The following SPAG6 variants were observed in gnomAD, a reference collection of about 807,000 sequenced individuals.
SPAG6 encodes the protein sperm associated antigen 6, also known as sperm-associated antigen 6.
In SPAG6, 49 loss-of-function variants were observed where a neutral mutation model predicts 58.5. The ratio of observed to expected loss-of-function variants is 0.84; its 90% confidence interval spans 0.67 to 1.06. The LOEUF (loss-of-function observed/expected upper bound fraction) is 1.06. Ranked by LOEUF, SPAG6 falls within the 50% of genes least tolerant of loss-of-function variation. The probability of loss-of-function intolerance (pLI) is 0.00; values close to 1 mark genes in which losing one functional copy is unlikely to be tolerated. For missense variants in SPAG6, 560 were observed against 611.3 expected, an observed-to-expected ratio of 0.92 and a Z score of 0.89; for synonymous variants, 233 against 225.6, an observed-to-expected ratio of 1.03 and a Z score of -0.29.
Position 22,376,423 on chromosome 10 carries a change from T to G in SPAG6, c.472+7745T>G, listed in dbSNP as rs575098999. 2.5e-3 allele frequency among the ~76,000 whole-genome samples: 374 copies of G among 152,340 alleles called. 1 individual carries two copies. The highest frequency in any genetic ancestry group is 8.8e-3 in the African/African-American group (364 of 41,568). On this transcript the variant is annotated intron_variant, in intron 4 of 10. Transcript: ENST00000376624. ...CTTTTTACTTTTAAAGTGTGGCTAA[T>G]TTCGAGTTTTAAATTACATTATGTA...
chr10:22,410,683 G>T (rs1001705989), intron 9 of SPAG6, among the ~76,000 whole-genome samples: 1 of 152,278 alleles, frequency 6.6e-6, no homozygotes, highest in South Asian at 2.1e-4. Flanking sequence ...AGGTATTTAG[G>T]AGCTGGGTCC....
intron 5 of SPAG6, 95 bp downstream of exon 5, chr10:22,387,054 T>A (rs1286010262): frequency 2.2e-6 from 2 of 901,874 alleles, no homozygotes; most frequent in African/African-American, 3.4e-5. Context: ...TAAAAATAAT[T>A]AGCAAATTAT....
chr10:22,398,021 CAAGAT>C (rs1834334877), intron 8 of SPAG6, among the ~76,000 whole-genome samples: 1 of 152,140 alleles, frequency 6.6e-6, no homozygotes, highest in African/African-American at 2.4e-5. Flanking sequence ...CTATAGTAAT[CAAGAT>C]AATGTGGTAC....
At chr10:22,391,673 G>T (rs1043767440) in intron 7 of SPAG6, 56 bp from the exon 8 acceptor site, 1 of 1,486,910 alleles carries the variant, frequency 6.7e-7, no homozygotes, top group African/African-American at 1.4e-5. Flanking sequence ...AGACATGGAA[G>T]ACTCTTTAAT....
At chr10:22,389,898 G>A (rs1486712636) in intron 7 of SPAG6, among the ~76,000 whole-genome samples, 1 of 152,120 alleles carries the variant, frequency 6.6e-6, no homozygotes, top group African/African-American at 2.4e-5. Flanking sequence ...CTCATCTAGT[G>A]CAGCCCTGGC....
At chr10:22,415,432 A>C (rs1834845361) in intron 10 of SPAG6, among the ~76,000 whole-genome samples, 1 of 152,214 alleles carries the variant, frequency 6.6e-6, no homozygotes, top group South Asian at 2.1e-4. Flanking sequence ...GAGAAGAAGC[A>C]GTTGTGAATT....
intron 2 of SPAG6, among the ~76,000 whole-genome samples, chr10:22,361,948 A>C (rs1052392694): frequency 1.3e-5 from 2 of 149,240 alleles, no homozygotes; most frequent in Non-Finnish European, 3.0e-5. Context: ...AAAAGATGAT[A>C]AACCACTGCC....
At chr10:22,368,421 GT>G in intron 3 of SPAG6, 73 bp from the exon 4 acceptor site, 1 of 1,144,842 alleles carries the variant, frequency 8.7e-7, no homozygotes, top group Non-Finnish European at 1.3e-6. Context: ...TTTTTATGTA[GT>G]TTTGGTCTAT....
At chr10:22,347,040 C>CGT (rs371547813) in intron 2 of SPAG6, among the ~76,000 whole-genome samples, 19 of 151,800 alleles carry the variant, frequency 1.3e-4, no homozygotes, top group African/African-American at 3.9e-4. Flanking sequence ...TTTAATTGTT[C>CGT]GTGTGTGTGT....
At chr10:22,346,488 TTCTTCTTC>T (rs1263878757) in intron 2 of SPAG6, among the ~76,000 whole-genome samples, 3 of 132,338 alleles carry the variant, frequency 2.3e-5, no homozygotes, top group African/African-American at 1.2e-4. Flanking sequence ...CTTCTTCTTC[TTCTTCTTC>T]TTTCTTCTTC....
intron 2 of SPAG6, among the ~76,000 whole-genome samples, chr10:22,363,010 A>G (rs922772868): frequency 3.9e-5 from 6 of 152,164 alleles, no homozygotes; most frequent in African/African-American, 1.2e-4. Flanking sequence ...AGGATGTGGA[A>G]AAATTGGAAT....
In SPAG6 at chr10:22,362,884, G is replaced by A. The variant is rs139127347; in HGVS notation, c.122-1969G>A. 2.6e-5 allele frequency among the ~76,000 whole-genome samples: 4 copies of A among 152,160 alleles called. No individual in the cohort carries two copies. The East Asian group carries it at 7.7e-4, about 29-fold the overall frequency. ...GTACAAATGGCCAATGAGCACATAAGATGCTCAACATTATTAGTGCTATGG... is the reference window on the plus strand; with the variant it reads ...GTACAAATGGCCAATGAGCACATAAAATGCTCAACATTATTAGTGCTATGG... On this transcript the variant is annotated intron_variant, in intron 2 of 10. Transcript: ENST00000376624.
chr10:22,377,117 G>T (rs544803776), intron 4 of SPAG6, among the ~76,000 whole-genome samples: 1 of 152,116 alleles, frequency 6.6e-6, no homozygotes, highest in East Asian at 1.9e-4. Context: ...TCTTTCTTGG[G>T]CCACTTGCTC....
chr10:22,398,460 C>G (rs1041241360), intron 8 of SPAG6, among the ~76,000 whole-genome samples: 1 of 152,208 alleles, frequency 6.6e-6, no homozygotes, highest in Admixed American at 6.5e-5. Flanking sequence ...GGGCACATGG[C>G]TTATGCCTAT....
Position 22,345,789 on chromosome 10 carries a change from C to A in SPAG6, c.92C>A (p.Pro31His), listed in dbSNP as rs1266781542. ...VQMVAELATR[P>H]QNIETLQNAG... ...ATGGTGGCGGAGCTGGCGACTAGAC[C>A]CCAAAACATCGAGACGCTGCAGAAC... The change falls in exon 2 of 11, where the codon CCC becomes CAC. Residue 31 changes from proline (P) to histidine (H), a missense_variant. By Grantham distance (77) the Pro-to-His change is moderately conservative. Transcript: ENST00000376624. This position sits in a 1 kb window ranked among gnomAD's most constrained non-coding sequence, Gnocchi z 6.3. 1 of 1,613,562 alleles carries A rather than the reference C, an allele frequency of 6.2e-7. No homozygotes were observed. Among genetic ancestry groups the A allele is most frequent in the African/African-American group, 1.3e-5 (1 of 74,882 alleles).
chr10:22,392,059 T>C, intron 8 of SPAG6, 139 bp downstream of exon 8: 1 of 631,128 alleles, frequency 1.6e-6, no homozygotes, highest in Non-Finnish European at 2.7e-6. Flanking sequence ...TTCACTCTTC[T>C]TTGAAAATGA....
Position 22,416,630 on chromosome 10 carries a change from C to G in SPAG6, c.1472C>G (p.Pro491Arg). The stretch of plus-strand genomic sequence containing the variant: ...ATTTTCTTTTTCAGGTATTATTCCC[C>G]TGGATATTCAGATACACTTCTGCAG... ...YPEEIVRYYSPGYSDTLLQRV... is the reference protein window; with the variant it reads ...YPEEIVRYYSRGYSDTLLQRV... Residue 491 changes from proline to arginine, a missense_variant, in exon 11 of 11, where the codon CCT (proline) becomes CGT (arginine). Transcript: ENST00000376624. The G allele has an allele frequency of 6.2e-7, 1 of 1,604,838 alleles. No individual in the cohort carries two copies. The highest frequency in any genetic ancestry group is 8.5e-7 in the Non-Finnish European group (1 of 1,172,090).
rs1834136250 is a variant in SPAG6, at chr10:22,389,387, C to T, written c.1005+75C>T. ...AGAACCACAGATTAATGTTCTCCAA[C>T]AGAATACAAAATATAACTGACTGGA... On this transcript the variant is annotated intron_variant, in intron 7 of 10. Transcript: ENST00000376624. 5.4e-6 allele frequency: 8 copies of T among 1,468,516 alleles called. No homozygotes were observed. In the East Asian group the frequency reaches 1.8e-4, roughly 34 times the overall value. The allele number at this position is 1,468,516 out of a possible 1,614,324, so 91.0% of individuals were successfully genotyped here.
At chr10:22,392,010 G>T (rs555481596) in intron 8 of SPAG6, 90 bp downstream of exon 8, 181 of 812,182 alleles carry the variant, frequency 2.2e-4, no homozygotes, top group Non-Finnish European at 3.3e-4. Context: ...GGACAATATT[G>T]TTTTATGAGT....
Sources: allele counts gnomAD v4.1 joint callset (sites outside exome capture counted in the v4.1 genomes callset), GRCh38; gene constraint gnomAD v4.1.1; non-coding constraint Gnocchi (gnomAD v3.1); transcripts MANE v1.5; gene names NCBI Gene and HGNC (gene_info 2026-07-23, HGNC 2026-07-21).